The following MTM1 variants were observed in gnomAD, a reference collection of about 807,000 sequenced individuals.
MTM1 encodes the protein myotubularin.
Under a neutral mutation model 52.1 loss-of-function variants are expected in MTM1, and 9 were observed. The observed-to-expected ratio is 0.17, with a 90% CI of 0.10 to 0.30. MTM1 has a LOEUF of 0.30. Ranked by LOEUF, MTM1 falls within the 10% of genes least tolerant of loss-of-function variation. MTM1 has a pLI of 1.00. For synonymous variants in MTM1, 136 were observed against 163.8 expected, an observed-to-expected ratio of 0.83 and a Z score of 1.29; for missense variants, 277 against 470.7, an observed-to-expected ratio of 0.59 and a Z score of 3.81.
At chrX:150,592,284 G>C (rs1185868411) in intron 1 of MTM1, among the ~76,000 whole-genome samples, 1 of 111,625 alleles carries the variant, frequency 9.0e-6, no homozygotes, top group East Asian at 2.8e-4. Flanking sequence ...TAAACATTAA[G>C]TTTTTTTAGA....
intron 7 of MTM1, among the ~76,000 whole-genome samples, chrX:150,640,950 A>T (rs1256416674): frequency 9.0e-6 from 1 of 111,467 alleles, no homozygotes; most frequent in African/African-American, 3.3e-5. Flanking sequence ...GCGGGGGATG[A>T]ACTTGGGTTT....
At chrX:150,646,212 A>G (rs1557413973) in intron 9 of MTM1, among the ~76,000 whole-genome samples, 5 of 112,179 alleles carry the variant, frequency 4.5e-5, no homozygotes, top group Non-Finnish European at 9.4e-5. Context: ...GTAAGAAGCT[A>G]TGGGAAGCTG....
At chrX:150,644,160 A>T (rs181091517) in intron 8 of MTM1, among the ~76,000 whole-genome samples, 162 of 111,856 alleles carry the variant, frequency 1.4e-3, no homozygotes, top group Non-Finnish European at 1.6e-3. Context: ...AAAAAATATT[A>T]AAAAATATTT....
At chrX:150,572,658 G>T (rs1421219290) in intron 1 of MTM1, among the ~76,000 whole-genome samples, 1 of 112,445 alleles carries the variant, frequency 8.9e-6, no homozygotes. Flanking sequence ...CAGAATGGAA[G>T]ACTTTCTCTT....
intron 14 of MTM1, among the ~76,000 whole-genome samples, chrX:150,666,797 C>G (rs782789352): frequency 8.9e-6 from 1 of 111,755 alleles, no homozygotes; most frequent in Non-Finnish European, 1.9e-5. Flanking sequence ...CATTTCAGTT[C>G]GTGGTAGCGC....
intron 4 of MTM1, among the ~76,000 whole-genome samples, chrX:150,600,683 G>T (rs1557412728): frequency 8.9e-6 from 1 of 112,413 alleles, no homozygotes; most frequent in African/African-American, 3.2e-5. Context: ...TATTTGAAGT[G>T]CCTTTCTGTG....
At chrX:150,585,886 C>A (rs998320107) in intron 1 of MTM1, among the ~76,000 whole-genome samples, 6 of 111,877 alleles carry the variant, frequency 5.4e-5, no homozygotes, top group Non-Finnish European at 1.1e-4. Context: ...TCCATGGCCA[C>A]AGCTCATGCC....
Position 150,671,459 on chromosome X carries a change from A to G in MTM1, c.1676A>G (p.Glu559Gly). ...AATCCAGTGGAGCAGCGTTACATGG[A>G]GCTCTTAGCCTTACGCGACGAATAC... is the stretch of plus-strand genomic sequence containing the variant. ...QPNPVEQRYMELLALRDEYIK... is the reference protein window; with the variant it reads ...QPNPVEQRYMGLLALRDEYIK... Residue 559 changes from glutamate to glycine, a missense_variant, in exon 15 of 15, where the codon GAG (glutamate) becomes GGG (glycine). Around this residue, in one of 4 missense-constraint regions of MTM1, gnomAD observed 51 missense variants for 52.2 expected, o/e 0.98. Transcript: ENST00000370396. 8.3e-7 allele frequency: 1 copy of G among 1,211,153 alleles called. No homozygotes were observed. The highest frequency in any genetic ancestry group is 1.1e-6 in the Non-Finnish European group (1 of 895,435).
intron 9 of MTM1, among the ~76,000 whole-genome samples, chrX:150,648,154 T>A (rs958706584): frequency 9.0e-6 from 1 of 111,646 alleles, no homozygotes; most frequent in East Asian, 2.8e-4. Context: ...TTACCAGTGA[T>A]ACTATTTAGA....
In MTM1 at chrX:150,657,898, C is replaced by T. The variant is rs1557414507; in HGVS notation, c.1131C>T (p.Asp377=). 3.3e-6 allele frequency: 4 copies of T among 1,211,189 alleles called. No homozygotes were observed. Among genetic ancestry groups the T allele is most frequent in the East Asian group, 3.0e-5 (1 of 33,829 alleles). Residue 377 remains aspartate (D), a synonymous_variant, in exon 11 of 15, where the codon GAC becomes GAT. Coordinates refer to ENST00000370396, the MANE Select transcript of MTM1 (RefSeq NM_000252.3). ...GTTCAGTGCTTGTGCATTGCAGTGA[C>T]GGATGGGACAGGACTGCTCAGCTGA... ...GKSSVLVHCS[D]GWDRTAQLTS...
At chrX:150,628,989 G>A (rs187650104) in intron 6 of MTM1, among the ~76,000 whole-genome samples, 1 of 111,107 alleles carries the variant, frequency 9.0e-6, no homozygotes, top group Admixed American at 9.5e-5. Context: ...CCCCTGTTTC[G>A]TAGCATGTAC....
chrX:150,602,951 A>G (rs150931174), intron 4 of MTM1, among the ~76,000 whole-genome samples: 161 of 112,144 alleles, frequency 1.4e-3, no homozygotes, highest in Non-Finnish European at 2.4e-3. Context: ...TAATTGTGGT[A>G]TAATATGACA....
intron 9 of MTM1, among the ~76,000 whole-genome samples, chrX:150,648,736 A>G (rs1217255490): frequency 8.9e-6 from 1 of 112,899 alleles, no homozygotes; most frequent in African/African-American, 3.2e-5. Flanking sequence ...CTGGCAAGTT[A>G]ATACTTGTAG....
At chrX:150,648,644 A>C (rs782445081) in intron 9 of MTM1, among the ~76,000 whole-genome samples, 1 of 113,065 alleles carries the variant, frequency 8.8e-6, no homozygotes, top group African/African-American at 3.2e-5. Context: ...CCAGATTCCT[A>C]AATGAAACCA....
chrX:150,597,814 C>T (rs1005346932), intron 3 of MTM1, among the ~76,000 whole-genome samples: 6 of 111,747 alleles, frequency 5.4e-5, no homozygotes, highest in East Asian at 5.6e-4. Flanking sequence ...AGGTTTGGTG[C>T]GGTGGCTCAC....
chrX:150,658,395 C>T (rs781828491), intron 11 of MTM1, among the ~76,000 whole-genome samples: 3 of 110,993 alleles, frequency 2.7e-5, no homozygotes, highest in Non-Finnish European at 5.7e-5. Flanking sequence ...TAAAAATCAT[C>T]GAGAGATGAA....
At chrX:150,657,607 TAAAGTA>T (rs782135719) in intron 10 of MTM1, among the ~76,000 whole-genome samples, 26 of 110,175 alleles carry the variant, frequency 2.4e-4, no homozygotes, top group Non-Finnish European at 4.2e-4. Context: ...CCCTAGAACT[TAAAGTA>T]TAATTTAAAA....
rs2266847 is a variant in MTM1 at position 150,620,512 on chromosome X, T to G, written c.444+1373T>G. ...CCAAATCTAGTGGCTCATTTCCATC[T>G]CATTCTGTTTGATCTCTTCCCCAGC... On this transcript the variant is annotated intron_variant, in intron 6 of 14. Transcript: ENST00000370396. 3.8e-4 allele frequency among the ~76,000 whole-genome samples: 42 copies of G among 111,932 alleles called. 1 individual carries two copies. The East Asian group carries it at 0.011, about 30-fold the overall frequency.
At chrX:150,598,755 A>G (rs2148434290) in intron 4 of MTM1, 69 bp downstream of exon 4, 3 of 739,298 alleles carry the variant, frequency 4.1e-6, no homozygotes, top group South Asian at 4.8e-5. Flanking sequence ...TTTCTCTTCT[A>G]CTTTGCAAGA....
Sources: allele counts gnomAD v4.1 joint callset (sites outside exome capture counted in the v4.1 genomes callset), GRCh38; gene constraint gnomAD v4.1.1; regional missense constraint gnomAD v4.1.1; transcripts MANE v1.5; gene names NCBI Gene and HGNC (gene_info 2026-07-23, HGNC 2026-07-21).